Variants in XRCC5 observed in about 807,000 individuals in gnomAD.
XRCC5 encodes X-ray repair cross complementing 5.
Under a neutral mutation model 95.7 loss-of-function variants are expected in XRCC5, and 12 were observed. The ratio of observed to expected loss-of-function variants is 0.13; its 90% CI spans 0.08 to 0.20. XRCC5 has a LOEUF of 0.20. XRCC5 is among the 10% of genes least tolerant of loss of function. The pLI is 1.00. For synonymous variants in XRCC5, 281 were observed against 290.3 expected (o/e 0.97, Z 0.33); for missense variants, 595 against 873.9 (o/e 0.68, Z 4.02).
At chr2:216,162,515 C>T (rs553945399) in intron 16 of XRCC5, among the ~76,000 whole-genome samples, 105 of 151,918 alleles carry the variant, frequency 6.9e-4, no homozygotes, top group African/African-American at 2.5e-3. Flanking sequence ...GATTCTCCTA[C>T]CTCAGCCTCC....
At chr2:216,140,524 A>G (rs1356855660) in intron 12 of XRCC5, among the ~76,000 whole-genome samples, 4 of 152,204 alleles carry the variant, frequency 2.6e-5, no homozygotes, top group Admixed American at 6.5e-5. Flanking sequence ...TTTTATTAGT[A>G]TTAGGAGAGA....
In XRCC5 at chr2:216,168,802, C is replaced by T. The variant is rs867287163; in HGVS notation, c.1834+6754C>T. 5.3e-5 allele frequency among the ~76,000 whole-genome samples: 8 copies of T among 152,278 alleles called. No individual in the cohort carries two copies. The South Asian group carries it at 8.3e-4, about 16-fold the overall frequency. ...TAGCAAGGCCAAGTGGACCCTAGAT[C>T]GCATATAAGTTACAGTAAGTATTAT... On this transcript the variant is annotated intron_variant, in intron 16 of 20. Coordinates refer to ENST00000392132, the MANE Select transcript of XRCC5 (RefSeq NM_021141.4).
intron 5 of XRCC5, among the ~76,000 whole-genome samples, chr2:216,119,823 T>A (rs995758913): frequency 8.5e-5 from 13 of 152,382 alleles, no homozygotes; most frequent in Non-Finnish European, 1.6e-4. Context: ...CTCTGTGTTA[T>A]ATCCCTAACA....
At chr2:216,135,675 T>C (rs1340685962) in intron 10 of XRCC5, among the ~76,000 whole-genome samples, 1 of 151,980 alleles carries the variant, frequency 6.6e-6, no homozygotes, top group Non-Finnish European at 1.5e-5. Context: ...GGCGCGTGCC[T>C]ATAATTCCAG....
In XRCC5 at chr2:216,116,682, G is replaced by A. The variant is rs1696703890; in HGVS notation, c.159G>A (p.Glu53=). 1 of 1,614,070 alleles carries A rather than the reference G, an allele frequency of 6.2e-7. No homozygotes were observed. Among genetic ancestry groups the A allele is most frequent in the Admixed American group, 1.7e-5 (1 of 60,000 alleles). The change falls in exon 3 of 21, where the codon GAG becomes GAA. Residue 53 remains glutamate (E), a synonymous_variant. Coordinates refer to ENST00000392132, the MANE Select transcript of XRCC5 (RefSeq NM_021141.4). ...QRQVFAENKD[E]IALVLFGTDG... is the part of the protein sequence containing the mutation. ...AGGTGTTTGCTGAGAACAAGGATGA[G>A]ATTGCTTTAGTCCTGTTTGGTACAG...
chr2:216,124,798 A>G (rs1457004722), intron 6 of XRCC5, among the ~76,000 whole-genome samples: 1 of 152,190 alleles, frequency 6.6e-6, no homozygotes, highest in Non-Finnish European at 1.5e-5. Context: ...GTATTTTGTC[A>G]TTAATTTCTT....
At chr2:216,115,457 C>A (rs1696678374) in intron 2 of XRCC5, among the ~76,000 whole-genome samples, 1 of 152,172 alleles carries the variant, frequency 6.6e-6, no homozygotes. Context: ...GCGGCAGATA[C>A]CTGCCCAGCC....
chr2:216,198,099 A>G (rs1689763688), intron 19 of XRCC5, among the ~76,000 whole-genome samples: 1 of 152,234 alleles, frequency 6.6e-6, no homozygotes, highest in Non-Finnish European at 1.5e-5. Flanking sequence ...TGGGAAGCCA[A>G]TCCCCAGAAA....
At chr2:216,181,445 T>C (rs916248399) in intron 16 of XRCC5, among the ~76,000 whole-genome samples, 1 of 152,186 alleles carries the variant, frequency 6.6e-6, no homozygotes, top group Non-Finnish European at 1.5e-5. Context: ...GACCCATTCT[T>C]ATACAGATTC....
chr2:216,151,642 A>T (rs1044860785), intron 14 of XRCC5, among the ~76,000 whole-genome samples: 2 of 152,188 alleles, frequency 1.3e-5, no homozygotes, highest in African/African-American at 4.8e-5. Flanking sequence ...TAGAGTTGTC[A>T]TGGGGGTTAA....
intron 4 of XRCC5, among the ~76,000 whole-genome samples, chr2:216,118,139 C>A (rs1696735597): frequency 6.6e-6 from 1 of 151,170 alleles, no homozygotes; most frequent in Admixed American, 6.6e-5. Context: ...CTCTGGCCAA[C>A]TTCCCTTTTT....
At chr2:216,166,972 C>G (rs1016209881) in intron 16 of XRCC5, among the ~76,000 whole-genome samples, 3 of 152,008 alleles carry the variant, frequency 2.0e-5, no homozygotes, top group African/African-American at 7.3e-5. Context: ...CTTTCAGGGA[C>G]CTTGTTTTTG....
chr2:216,149,755 T>G (rs1461244336), intron 14 of XRCC5, among the ~76,000 whole-genome samples: 1 of 152,152 alleles, frequency 6.6e-6, no homozygotes, highest in East Asian at 1.9e-4. Context: ...AGGATGCAGT[T>G]CTGTCGTTTG....
chr2:216,146,966 A>G (rs940418039), intron 13 of XRCC5, among the ~76,000 whole-genome samples: 7 of 152,196 alleles, frequency 4.6e-5, no homozygotes. Context: ...GAAGAGCCCT[A>G]CTTGTAAGGA....
intron 1 of XRCC5, 133 bp downstream of exon 1, chr2:216,109,590 C>T: frequency 7.3e-7 from 1 of 1,366,572 alleles, no homozygotes; most frequent in African/African-American, 1.4e-5. Context: ...TGGGCTCAGT[C>T]AGGAGGGCCG....
At chr2:216,127,458 A>C in intron 7 of XRCC5, 78 bp from the exon 8 acceptor site, 1 of 1,482,244 alleles carries the variant, frequency 6.7e-7, no homozygotes. Context: ...TCTGTGCCAG[A>C]GAGTGTATTA....
At chr2:216,204,283 A>C in intron 19 of XRCC5, 39 bp from the exon 20 acceptor site, 1 of 1,611,670 alleles carries the variant, frequency 6.2e-7, no homozygotes, top group Non-Finnish European at 8.5e-7. Context: ...AAGGGGCAAA[A>C]ATATCATTTT....
intron 14 of XRCC5, among the ~76,000 whole-genome samples, chr2:216,157,525 G>A (rs1185780761): frequency 2.0e-5 from 3 of 151,728 alleles, no homozygotes; most frequent in Admixed American, 6.6e-5. Flanking sequence ...GAGCCACCAC[G>A]CCCGGCCAAT....
At chr2:216,123,187 A>G (rs1424084974) in intron 6 of XRCC5, among the ~76,000 whole-genome samples, 4 of 152,230 alleles carry the variant, frequency 2.6e-5, no homozygotes, top group Non-Finnish European at 5.9e-5. Flanking sequence ...TGATTGAACA[A>G]CTAGAATTTT....
Sources: allele counts gnomAD v4.1 joint callset (sites outside exome capture counted in the v4.1 genomes callset), GRCh38; gene constraint gnomAD v4.1.1; transcripts MANE v1.5; gene names NCBI Gene and HGNC (gene_info 2026-07-23, HGNC 2026-07-21).